The following TMF1 variants were observed in gnomAD, a reference collection of about 807,000 sequenced individuals.
TMF1 encodes the protein TATA element modulatory factor 1.
TMF1 carries 71 observed loss-of-function variants against 126.5 expected under a neutral mutation model. The observed-to-expected ratio is 0.56, with a 90% confidence interval of 0.46 to 0.68. The LOEUF (loss-of-function observed/expected upper bound fraction) is 0.68, where lower values mean the gene tolerates loss of function less well. Among genes scored for constraint, TMF1 ranks in the 30% least tolerant of loss-of-function variants. The probability of loss-of-function intolerance (pLI) is 0.00; values close to 1 mark genes in which losing one functional copy is unlikely to be tolerated. For synonymous variants in TMF1, 461 were observed against 430.5 expected (o/e 1.07, Z -0.88); for missense variants, 1,259 against 1,253.2 (o/e 1.00, Z -0.07).
chr3:69,022,700 T>TA lies in TMF1; in HGVS notation c.*476dup, dbSNP rs1408796032. The TA allele has an allele frequency of 3.9e-5, 6 of 152,522 alleles. No individual in the cohort carries two copies. The highest frequency in any genetic ancestry group is 2.9e-5 in the Non-Finnish European group (2 of 67,952). The allele number at this position is 152,522 out of a possible 1,614,324, so 9.4% of individuals were successfully genotyped here. ...TTTAATAATTTTTTACTTTAACACTTAATGTACATTTTCATGAGCAGTAAT... is the reference window on the plus strand; with the variant it reads ...TTTAATAATTTTTTACTTTAACACTTAAATGTACATTTTCATGAGCAGTAAT... On this transcript the variant is annotated 3_prime_UTR_variant, in exon 17 of 17. Coordinates refer to ENST00000398559, the MANE Select transcript of TMF1 (RefSeq NM_007114.3).
intron 9 of TMF1, among the ~76,000 whole-genome samples, chr3:69,034,509 T>C (rs1045681655): frequency 5.3e-5 from 8 of 152,212 alleles, no homozygotes; most frequent in African/African-American, 1.7e-4. Context: ...AAATAAGTGC[T>C]TCTTTAAAAA....
rs2091721950 is a variant in TMF1 at position 69,020,213 on chromosome 3, A to G, written c.*2964T>C. ...AAAAAATTTCCTGAACATTCTTTTC[A>G]CTTACTTCACTACAAACTTCATGTT... On this transcript the variant is annotated 3_prime_UTR_variant, in exon 17 of 17. Transcript: ENST00000398559. The G allele has an allele frequency of 6.6e-6, 1 of 152,198 alleles. No individual in the cohort carries two copies. Among genetic ancestry groups the G allele is most frequent in the Non-Finnish European group, 1.5e-5 (1 of 68,008 alleles). The allele number at this position is 152,198 out of a possible 1,614,324, so 9.4% of individuals were successfully genotyped here. A position where few individuals can be genotyped will look rare whatever the true frequency, so the allele number is the denominator to read the frequency against.
At chr3:69,034,485 T>C (rs1559631312) in intron 9 of TMF1, among the ~76,000 whole-genome samples, 1 of 151,864 alleles carries the variant, frequency 6.6e-6, no homozygotes, top group Admixed American at 6.6e-5. Context: ...AATAAAGAAA[T>C]TAAATAAATA....
chr3:69,052,251 C>G lies in TMF1; in HGVS notation c.-165G>C, dbSNP rs1041457797. ...TCCCGCGAGCCCGGGATGTTACCCTCGGCCGTTCCCGCACAGCTGAGACGA... is the reference window on the plus strand; with the variant it reads ...TCCCGCGAGCCCGGGATGTTACCCTGGGCCGTTCCCGCACAGCTGAGACGA... On this transcript the variant is annotated 5_prime_UTR_variant, in exon 1 of 17. Coordinates refer to ENST00000398559, the MANE Select transcript of TMF1 (RefSeq NM_007114.3). The G allele has an allele frequency of 2.9e-6, 2 of 701,412 alleles. No homozygotes were observed. Among genetic ancestry groups the G allele is most frequent in the Non-Finnish European group, 4.4e-6 (2 of 450,186 alleles). The allele number at this position is 701,412 out of a possible 1,614,324, so 43.4% of individuals were successfully genotyped here.
intron 13 of TMF1, 77 bp downstream of exon 13, chr3:69,027,823 A>T: frequency 2.7e-6 from 2 of 742,486 alleles, no homozygotes; most frequent in Non-Finnish European, 4.4e-6. Flanking sequence ...AAGCATAGCT[A>T]AAATTAAAAA....
At chr3:69,033,168 G>A (rs1332977436) in intron 10 of TMF1, among the ~76,000 whole-genome samples, 1 of 151,634 alleles carries the variant, frequency 6.6e-6, no homozygotes. Context: ...CAGCTACTCA[G>A]GAGGCTGAGG....
intron 10 of TMF1, among the ~76,000 whole-genome samples, chr3:69,031,149 C>T (rs752538965): frequency 6.6e-6 from 1 of 152,146 alleles, no homozygotes; most frequent in African/African-American, 2.4e-5. Flanking sequence ...CCCAAAATGT[C>T]ATACACTGTA....
intron 5 of TMF1, chr3:69,042,586 C>A (rs572747641): frequency 3.1e-6 from 2 of 643,266 alleles, no homozygotes; most frequent in Non-Finnish European, 2.9e-6. Flanking sequence ...CAGGGACTTA[C>A]TTTTCTTTTT....
chr3:69,037,620 C>A (rs772832032), intron 8 of TMF1, among the ~76,000 whole-genome samples: 1 of 151,932 alleles, frequency 6.6e-6, no homozygotes, highest in Non-Finnish European at 1.5e-5. Flanking sequence ...CCAGCCTGGG[C>A]AACAAGAGCG....
Position 69,022,593 on chromosome 3 carries a change from TCA to T in TMF1, c.*582_*583del, listed in dbSNP as rs1442495346. 1.3e-5 allele frequency: 2 copies of T among 152,498 alleles called. No homozygotes were observed. Among genetic ancestry groups the T allele is most frequent in the African/African-American group, 4.8e-5 (2 of 41,448 alleles). 9.4% of individuals were successfully genotyped at this position (152,498 alleles called of 1,614,324 possible). On this transcript the variant is annotated 3_prime_UTR_variant, in exon 17 of 17. Coordinates refer to ENST00000398559, the MANE Select transcript of TMF1 (RefSeq NM_007114.3). ...AAAATTTTTTTTAAGTTTAAATCAT[TCA>T]CTCTTTAAATTTCAGACAGTGTCAG...
At chr3:69,029,769 G>C (rs755322077) in intron 11 of TMF1, 46 bp downstream of exon 11, 5 of 1,530,598 alleles carry the variant, frequency 3.3e-6, no homozygotes, top group Non-Finnish European at 4.4e-6. Flanking sequence ...AAGTGCTTTA[G>C]GATGTCACGG....
At chr3:69,039,767 T>TC (rs146136734) in intron 5 of TMF1, 74 bp from the exon 6 acceptor site, 550,663 of 1,489,714 alleles carry the variant, frequency 0.37, 103,463 homozygotes, top group East Asian at 0.53. Context: ...TTTTATCTAA[T>TC]AGTAACATAA....
intron 10 of TMF1, among the ~76,000 whole-genome samples, chr3:69,031,071 A>G (rs1336130149): frequency 6.6e-6 from 1 of 152,216 alleles, no homozygotes; most frequent in African/African-American, 2.4e-5. Context: ...TAAAAAGACT[A>G]AACTACCGAT....
At chr3:69,049,967 A>G (rs1477193088) in intron 1 of TMF1, among the ~76,000 whole-genome samples, 2 of 152,188 alleles carry the variant, frequency 1.3e-5, no homozygotes, top group Admixed American at 6.5e-5. Flanking sequence ...CTATCCTTTA[A>G]TATGACTTCA....
intron 13 of TMF1, among the ~76,000 whole-genome samples, chr3:69,026,408 C>CT (rs2091767424): frequency 6.6e-6 from 1 of 152,084 alleles, no homozygotes; most frequent in African/African-American, 2.4e-5. Context: ...ACCAACTTGA[C>CT]TAACATGGAA....
rs774044003 is a variant in TMF1, at chr3:69,025,548, T to C, written c.3012+12A>G. 3.7e-6 allele frequency: 6 copies of C among 1,601,732 alleles called. No homozygotes were observed. The South Asian group carries it at 6.7e-5, about 18-fold the overall frequency. On this transcript the variant is annotated intron_variant, in intron 15 of 16. Transcript: ENST00000398559. Reference sequence around the variant, plus strand: ...TCATTTACTTCTATAGCAAATTTAATTTTTCCAATACCTGTAAATGAGTGA... The same window carrying C: ...TCATTTACTTCTATAGCAAATTTAACTTTTCCAATACCTGTAAATGAGTGA...
At chr3:69,034,200 C>T (rs565487448) in intron 9 of TMF1, among the ~76,000 whole-genome samples, 100 of 152,264 alleles carry the variant, frequency 6.6e-4, no homozygotes, top group Non-Finnish European at 9.7e-4. Context: ...TGGCCAGGCA[C>T]GGTGGCTCAT....
intron 10 of TMF1, among the ~76,000 whole-genome samples, chr3:69,031,640 A>G (rs2107458887): frequency 6.6e-6 from 1 of 152,340 alleles, no homozygotes; most frequent in South Asian, 2.1e-4. Context: ...AAAATTTTCA[A>G]TTGAAAAAAA....
chr3:69,033,336 T>C (rs967764512), intron 10 of TMF1, among the ~76,000 whole-genome samples: 99 of 150,748 alleles, frequency 6.6e-4, no homozygotes, highest in Non-Finnish European at 1.1e-3. Flanking sequence ...AGCCAGTATC[T>C]GATACCATTG....
Sources: gnomAD v4.1 joint callset for allele counts (sites outside exome capture counted in the v4.1 genomes callset) on GRCh38, gnomAD v4.1.1 for gene constraint, MANE v1.5 for transcripts, NCBI Gene and HGNC (gene_info 2026-07-23, HGNC 2026-07-21) for gene names.